The following ADGRL2 variants were observed in gnomAD, a reference collection of about 807,000 sequenced individuals.
ADGRL2 encodes calcium-independent alpha-latrotoxin receptor 2.
ADGRL2 carries 44 observed loss-of-function variants against 157.4 expected under a neutral mutation model. The observed-to-expected ratio is 0.28, with a 90% CI of 0.22 to 0.36. The LOEUF (loss-of-function observed/expected upper bound fraction) is 0.36. Among genes scored for constraint, ADGRL2 ranks in the 10% least tolerant of loss-of-function variants. ADGRL2 has a pLI of 1.00. For synonymous variants in ADGRL2, 585 were observed against 624.7 expected, an observed-to-expected ratio of 0.94 and a Z score of 0.95; for missense variants, 1,510 against 1,768.9, an observed-to-expected ratio of 0.85 and a Z score of 2.63.
At chr1:81,756,783 C>A (rs2085705636) in intron 1 of ADGRL2, among the ~76,000 whole-genome samples, 1 of 152,070 alleles carries the variant, frequency 6.6e-6, no homozygotes, top group Non-Finnish European at 1.5e-5. Flanking sequence ...TAAAATAGCT[C>A]CTATTTGTCC....
intron 2 of ADGRL2, among the ~76,000 whole-genome samples, chr1:81,556,614 C>CA (rs77400301): frequency 0.026 from 3,765 of 143,964 alleles, 77 homozygotes; most frequent in Non-Finnish European, 0.037. Flanking sequence ...TGCTAAAGAC[C>CA]AAAAAAAAAA....
chr1:81,528,421 T>C (rs1319195032), intron 2 of ADGRL2, among the ~76,000 whole-genome samples: 1 of 150,998 alleles, frequency 6.6e-6, no homozygotes, highest in Non-Finnish European at 1.5e-5. Flanking sequence ...CCGAGGCGAG[T>C]GGATTCAGGA....
intron 1 of ADGRL2, among the ~76,000 whole-genome samples, chr1:81,355,268 A>G (rs1353144325): frequency 6.6e-6 from 1 of 152,170 alleles, no homozygotes; most frequent in Non-Finnish European, 1.5e-5. Context: ...CTGAGGCATA[A>G]GAATCACTTG....
intron 1 of ADGRL2, among the ~76,000 whole-genome samples, chr1:81,378,500 C>G (rs745758261): frequency 1.4e-5 from 2 of 146,730 alleles, no homozygotes; most frequent in Non-Finnish European, 3.0e-5. Flanking sequence ...TTCCAGACTG[C>G]AGTGAGTTGT....
chr1:81,602,541 G>A (rs995243470), intron 3 of ADGRL2, among the ~76,000 whole-genome samples: 8 of 152,028 alleles, frequency 5.3e-5, no homozygotes, highest in East Asian at 1.9e-4. Context: ...GCAGTGAGCC[G>A]AGATAGAGCC....
intron 3 of ADGRL2, among the ~76,000 whole-genome samples, chr1:81,613,492 T>G (rs1255245444): frequency 6.6e-6 from 1 of 152,056 alleles, no homozygotes; most frequent in African/African-American, 2.4e-5. Flanking sequence ...GTGCTGTTAG[T>G]AATAAGGTGG....
intron 1 of ADGRL2, among the ~76,000 whole-genome samples, chr1:81,386,942 C>T (rs968000577): frequency 2.6e-5 from 4 of 152,108 alleles, no homozygotes; most frequent in African/African-American, 9.7e-5. Flanking sequence ...CTATCAGTAT[C>T]CACTTTACAT....
chr1:81,400,986 G>C (rs997330595), intron 1 of ADGRL2, among the ~76,000 whole-genome samples: 1 of 152,128 alleles, frequency 6.6e-6, no homozygotes, highest in Non-Finnish European at 1.5e-5. Flanking sequence ...AGGGAACAAT[G>C]TGCCTTCTTC....
chr1:81,386,583 A>G (rs2076439886), intron 1 of ADGRL2, among the ~76,000 whole-genome samples: 1 of 152,174 alleles, frequency 6.6e-6, no homozygotes, highest in Non-Finnish European at 1.5e-5. Flanking sequence ...GCCTTACAAA[A>G]GAATATATTA....
intron 1 of ADGRL2, among the ~76,000 whole-genome samples, chr1:81,428,505 C>CGCATGGGAGTCATA (rs1274031909): frequency 6.6e-6 from 1 of 152,014 alleles, no homozygotes; most frequent in East Asian, 1.9e-4. Context: ...AACATGCAAA[C>CGCATGGGAGTCATA]GCATGGGAGT....
chr1:81,504,026 C>G lies in ADGRL2; in HGVS notation c.-248+58937C>G, dbSNP rs2078913666. On this transcript the variant is annotated intron_variant, in intron 2 of 24. Coordinates refer to the ADGRL2 transcript ENST00000370721. ...TCCTGGGGTACGGGTCCCTCAAACACAAGTCTTGAATCAGTCCTCAGGGCC... is the reference window on the plus strand; with the variant it reads ...TCCTGGGGTACGGGTCCCTCAAACAGAAGTCTTGAATCAGTCCTCAGGGCC... 2.0e-5 allele frequency among the ~76,000 whole-genome samples: 3 copies of G among 152,154 alleles called. No homozygotes were observed. The South Asian group carries it at 6.2e-4, about 32-fold the overall frequency.
intron 2 of ADGRL2, among the ~76,000 whole-genome samples, chr1:81,874,634 CT>C (rs2093785517): frequency 3.2e-5 from 4 of 124,584 alleles, no homozygotes; most frequent in South Asian, 3.1e-4. Flanking sequence ...CTTGTCTTGT[CT>C]TGTCCTGTCC....
rs183433674 is a variant in ADGRL2 at position 81,860,377 on chromosome 1, A to G, written c.73+23320A>G. Among the ~76,000 whole-genome samples, 326 of 152,094 alleles carry G rather than the reference A, an allele frequency of 2.1e-3. 4 individuals carry two copies. The highest frequency in any genetic ancestry group is 2.0e-3 in the Non-Finnish European group (137 of 67,984). ...ATTTTTGTAGAGACAGGGTTTCTCT[A>G]TGTTGCCCAAGCTTGTTTTGAATTC... On this transcript the variant is annotated intron_variant, in intron 2 of 23. Coordinates refer to ENST00000686636, the MANE Select transcript of ADGRL2 (RefSeq NM_001366006.2).
At chr1:81,533,778 C>G (rs1326710495) in intron 2 of ADGRL2, among the ~76,000 whole-genome samples, 1 of 152,120 alleles carries the variant, frequency 6.6e-6, no homozygotes, top group African/African-American at 2.4e-5. Flanking sequence ...ACTCCATATC[C>G]AGCTCCCTCC....
chr1:81,504,170 G>T (rs1444882404), intron 2 of ADGRL2, among the ~76,000 whole-genome samples: 2 of 152,184 alleles, frequency 1.3e-5, no homozygotes, highest in Non-Finnish European at 2.9e-5. Context: ...CCTGGCACCT[G>T]CTTCACACGG....
chr1:81,448,864 G>A lies in ADGRL2; in HGVS notation c.-248+3775G>A, dbSNP rs558054252. Among the ~76,000 whole-genome samples, 10 of 152,022 alleles carry A rather than the reference G, an allele frequency of 6.6e-5. No homozygotes were observed. In the East Asian group the frequency reaches 1.2e-3, roughly 18 times the overall value. Reference sequence around the variant, plus strand: ...CTTACCATTTAACTAATTTTACTAGGGGGATGGTCTATATTACACCCAAAA... The same window carrying A: ...CTTACCATTTAACTAATTTTACTAGAGGGATGGTCTATATTACACCCAAAA... On this transcript the variant is annotated intron_variant, in intron 2 of 24. Transcript: ENST00000370721.
intron 3 of ADGRL2, among the ~76,000 whole-genome samples, chr1:81,681,264 G>A (rs1053330797): frequency 6.6e-6 from 1 of 152,232 alleles, no homozygotes; most frequent in Non-Finnish European, 1.5e-5. Flanking sequence ...GGCAAAGGAA[G>A]CATGTGCTTC....
At chr1:81,327,571 T>C (rs1660987291) in intron 1 of ADGRL2, among the ~76,000 whole-genome samples, 1 of 152,200 alleles carries the variant, frequency 6.6e-6, no homozygotes, top group Admixed American at 6.6e-5. Flanking sequence ...GGACTTTCTT[T>C]GTGGGTGCAT....
chr1:81,392,110 T>C (rs1259631727), intron 1 of ADGRL2, among the ~76,000 whole-genome samples: 1 of 152,102 alleles, frequency 6.6e-6, no homozygotes, highest in South Asian at 2.1e-4. Flanking sequence ...ACCATTATAC[T>C]GTACTGCCTC....
Sources: gnomAD v4.1 joint callset for allele counts (sites outside exome capture counted in the v4.1 genomes callset) on GRCh38, gnomAD v4.1.1 for gene constraint, MANE v1.5 for transcripts, NCBI Gene and HGNC (gene_info 2026-07-23, HGNC 2026-07-21) for gene names.